The following C2CD2 variants were observed in gnomAD, a reference collection of about 807,000 sequenced individuals.
The protein encoded by C2CD2 is C2 calcium dependent domain containing 2.
In C2CD2, 43 loss-of-function variants were observed where a neutral mutation model predicts 74.3. The observed-to-expected ratio is 0.58, with a 90% confidence interval of 0.45 to 0.75. The LOEUF (loss-of-function observed/expected upper bound fraction) is 0.75, where lower values mean the gene tolerates loss of function less well. Among genes scored for constraint, C2CD2 ranks in the 30% least tolerant of loss-of-function variants. The pLI, the probability that C2CD2 is intolerant of heterozygous loss-of-function variation, is 0.00. For missense variants in C2CD2, 801 were observed against 916.3 expected, an observed-to-expected ratio of 0.87 and a Z score of 1.63; for synonymous variants, 422 against 390.7, an observed-to-expected ratio of 1.08 and a Z score of -0.94.
chr21:41,914,694 G>C lies in C2CD2; in HGVS notation c.748C>G (p.Gln250Glu), dbSNP rs764963142. 1.9e-6 allele frequency: 3 copies of C among 1,613,624 alleles called. No homozygotes were observed. The South Asian group carries it at 3.3e-5, about 18-fold the overall frequency. Reference protein sequence around the residue: ...QNLQCAASTAQESCPPKPPRA... With the variant: ...QNLQCAASTAEESCPPKPPRA... ...GGAGGTTTAGGAGGACAGGATTCCT[G>C]AGCAGTAGATGCAGCACACTGTAAG... The change falls in exon 6 of 14, where the codon CAG becomes GAG. Residue 250 changes from glutamine (Q) to glutamate (E), a missense_variant. Transcript: ENST00000380486.
At chr21:41,914,090 G>T (rs1331587920) in intron 6 of C2CD2, among the ~76,000 whole-genome samples, 3 of 152,076 alleles carry the variant, frequency 2.0e-5, no homozygotes, top group African/African-American at 7.2e-5. Context: ...GCCAGGCGTG[G>T]TGGTGCACGC....
At chr21:41,919,010 A>G (rs2065124950) in intron 3 of C2CD2, 50 bp from the exon 4 acceptor site, 2 of 1,327,452 alleles carry the variant, frequency 1.5e-6, no homozygotes, top group Non-Finnish European at 2.2e-6. Context: ...CAAAGCCTTA[A>G]TGTGCACGTG....
At chr21:41,901,322 G>A (rs962611399) in intron 12 of C2CD2, 3 of 449,848 alleles carry the variant, frequency 6.7e-6, no homozygotes, top group African/African-American at 2.0e-5. Flanking sequence ...TGTACCAAAG[G>A]GGAGTCTTAC....
chr21:41,904,717 C>T (rs2064939899), intron 11 of C2CD2, among the ~76,000 whole-genome samples: 1 of 152,236 alleles, frequency 6.6e-6, no homozygotes, highest in East Asian at 1.9e-4. Flanking sequence ...AGACAGTGCC[C>T]CTCCAGTGAG....
At position 41,924,582 on chromosome 21, in the gene C2CD2, C is replaced by T. The variant is rs2146203616; in HGVS notation, c.379-2497G>A. Reference sequence around the variant, plus strand: ...AAAAATAAATGATCTATAAACAGTCCTTTACGGAGGAACATGCTTTGTGGC... The same window carrying T: ...AAAAATAAATGATCTATAAACAGTCTTTTACGGAGGAACATGCTTTGTGGC... On this transcript the variant is annotated intron_variant, in intron 2 of 13. Coordinates refer to ENST00000380486, the MANE Select transcript of C2CD2 (RefSeq NM_015500.2). The surrounding 1 kb of genome is among the most constrained non-coding windows in gnomAD (Gnocchi z 4.4). Among the ~76,000 whole-genome samples, 1 of 152,228 alleles carries T rather than the reference C, an allele frequency of 6.6e-6. No homozygotes were observed. The highest frequency in any genetic ancestry group is 1.9e-4 in the East Asian group (1 of 5,182).
At chr21:41,951,334 C>G (rs2065448973) in intron 1 of C2CD2, among the ~76,000 whole-genome samples, 1 of 152,182 alleles carries the variant, frequency 6.6e-6, no homozygotes, top group African/African-American at 2.4e-5. Context: ...AATGACATTC[C>G]CAGGCATCAG....
chr21:41,936,696 C>T (rs1343304913), intron 2 of C2CD2, among the ~76,000 whole-genome samples: 1 of 152,090 alleles, frequency 6.6e-6, no homozygotes, highest in East Asian at 1.9e-4. Context: ...CCAACCCCTC[C>T]TCTCCCTCCT....
rs1040653281 is a variant in C2CD2, at chr21:41,901,633, C to T, written c.1549G>A (p.Gly517Arg). 6.2e-7 allele frequency: 1 copy of T among 1,614,086 alleles called. No individual in the cohort carries two copies. The highest frequency in any genetic ancestry group is 8.5e-7 in the Non-Finnish European group (1 of 1,180,038). ...PRKKSTIIIS[G>R]ISKTSLSQDH... ...CACCACGATGGTACCTTGGAGATCC[C>T]TGATATGATAATAGTGCTTTTCTTC... The change falls in exon 12 of 14, where the codon GGG becomes AGG. Residue 517 changes from glycine (G) to arginine (R), a missense_variant. Transcript: ENST00000380486.
rs142041526 is a variant in C2CD2, at chr21:41,903,507, T to C, written c.1433-1758A>G. 2.6e-5 allele frequency among the ~76,000 whole-genome samples: 4 copies of C among 151,688 alleles called. No homozygotes were observed. In the East Asian group the frequency reaches 5.8e-4, roughly 22 times the overall value. On this transcript the variant is annotated intron_variant, in intron 11 of 13. Coordinates refer to ENST00000380486, the MANE Select transcript of C2CD2 (RefSeq NM_015500.2). This position sits in a 1 kb window ranked among gnomAD's most constrained non-coding sequence, Gnocchi z 4.5. The stretch of plus-strand genomic sequence containing the variant: ...CAGAGAAACAGAAAATTGCTTGCCA[T>C]AGAAAATCTACACATTTGGCGTCAG...
chr21:41,931,876 C>T (rs2065264589), intron 2 of C2CD2, among the ~76,000 whole-genome samples: 1 of 121,384 alleles, frequency 8.2e-6, no homozygotes, highest in African/African-American at 2.9e-5. Context: ...ATCCCACCAC[C>T]CCACCTCCAG....
In C2CD2 at chr21:41,909,446, C is replaced by T. The variant is rs775354247; in HGVS notation, c.1018+13G>A. On this transcript the variant is annotated intron_variant, in intron 8 of 13. Coordinates refer to ENST00000380486, the MANE Select transcript of C2CD2 (RefSeq NM_015500.2). Reference sequence around the variant, plus strand: ...TCCAGAGGGCGAGGCCTCTGTCCTCCTGCTCAACCCACCTTCTGAGGATCG... The same window carrying T: ...TCCAGAGGGCGAGGCCTCTGTCCTCTTGCTCAACCCACCTTCTGAGGATCG... 3 of 1,606,106 alleles carry T rather than the reference C, an allele frequency of 1.9e-6. No homozygotes were observed. The highest frequency in any genetic ancestry group is 2.6e-6 in the Non-Finnish European group (3 of 1,172,670).
At chr21:41,940,603 GA>G (rs1250386482) in intron 2 of C2CD2, among the ~76,000 whole-genome samples, 1 of 152,254 alleles carries the variant, frequency 6.6e-6, no homozygotes, top group East Asian at 1.9e-4. Context: ...GGTTGAAAAT[GA>G]AGGAAGAGCA....
intron 1 of C2CD2, chr21:41,953,101 G>C (rs1241277013): frequency 2.7e-6 from 1 of 374,134 alleles, no homozygotes; most frequent in African/African-American, 2.1e-5. Context: ...CACTTCTGAC[G>C]GTCCCTCCAA....
chr21:41,943,324 G>A (rs1021853650), intron 1 of C2CD2, among the ~76,000 whole-genome samples: 5 of 152,146 alleles, frequency 3.3e-5, no homozygotes, highest in East Asian at 1.9e-4. Flanking sequence ...AACGAGAGAC[G>A]CACAATTAAA....
intron 2 of C2CD2, among the ~76,000 whole-genome samples, chr21:41,925,596 GC>G (rs1394375016): frequency 6.6e-6 from 1 of 152,168 alleles, no homozygotes; most frequent in African/African-American, 2.4e-5. Flanking sequence ...AACAAATAAT[GC>G]CCCATTTGCC....
chr21:41,924,974 G>A lies in C2CD2; in HGVS notation c.379-2889C>T, dbSNP rs566859857. Reference sequence around the variant, plus strand: ...AAAGACTTTAAAACTTCTAGAATGCGGGACTCCAAAGCTCATAAGTAATCA... The same window carrying A: ...AAAGACTTTAAAACTTCTAGAATGCAGGACTCCAAAGCTCATAAGTAATCA... On this transcript the variant is annotated intron_variant, in intron 2 of 13. Coordinates refer to ENST00000380486, the MANE Select transcript of C2CD2 (RefSeq NM_015500.2). This position sits in a 1 kb window ranked among gnomAD's most constrained non-coding sequence, Gnocchi z 4.4. Among the ~76,000 whole-genome samples, 4 of 152,210 alleles carry A rather than the reference G, an allele frequency of 2.6e-5. No homozygotes were observed. Among genetic ancestry groups the A allele is most frequent in the Admixed American group, 1.3e-4 (2 of 15,282 alleles).
chr21:41,953,468 C>A lies in C2CD2; in HGVS notation c.181G>T (p.Asp61Tyr). The change falls in exon 1 of 14, where the codon GAC becomes TAC. Residue 61 changes from aspartate (D) to tyrosine (Y), a missense_variant. Transcript: ENST00000380486. ...EPGEGPRPGSDALLSWILTLG... is the reference protein window; with the variant it reads ...EPGEGPRPGSYALLSWILTLG... ...GTCAGGATCCAGGAGAGCAGCGCGT[C>A]GGACCCCGGGCGCGGCCCCTCTCCA... 1 of 1,486,512 alleles carries A rather than the reference C, an allele frequency of 6.7e-7. No homozygotes were observed. Among genetic ancestry groups the A allele is most frequent in the Non-Finnish European group, 9.0e-7 (1 of 1,115,522 alleles). 92.1% of individuals were successfully genotyped at this position (1,486,512 alleles called of 1,614,324 possible).
chr21:41,937,361 C>T (rs773057934), intron 2 of C2CD2, among the ~76,000 whole-genome samples: 27 of 152,310 alleles, frequency 1.8e-4, no homozygotes, highest in Non-Finnish European at 3.5e-4. Flanking sequence ...TCGTGATCCA[C>T]CTGCCTCAGC....
At chr21:41,922,169 T>TG (rs2146200034) in intron 2 of C2CD2, 84 bp from the exon 3 acceptor site, 1 of 806,702 alleles carries the variant, frequency 1.2e-6, no homozygotes, top group East Asian at 2.6e-5. Context: ...TCTTCTTTTT[T>TG]TTTTTTTGAG....
Sources: allele counts gnomAD v4.1 joint callset (sites outside exome capture counted in the v4.1 genomes callset), GRCh38; gene constraint gnomAD v4.1.1; non-coding constraint Gnocchi (gnomAD v3.1); transcripts MANE v1.5; gene names NCBI Gene and HGNC (gene_info 2026-07-23, HGNC 2026-07-21).